OTUD7A: variants seen among roughly 807,000 people sequenced by gnomAD.
OTUD7A encodes the protein OTU deubiquitinase 7A.
OTUD7A carries 12 observed loss-of-function variants against 65.7 expected under a neutral mutation model. That is an observed-to-expected ratio of 0.18 (90% CI 0.12 to 0.30). The LOEUF (loss-of-function observed/expected upper bound fraction) is 0.30. OTUD7A is among the 10% of genes least tolerant of loss of function. OTUD7A has a pLI of 1.00. For synonymous variants in OTUD7A, 641 were observed against 586.3 expected (o/e 1.09, Z -1.35); for missense variants, 1,148 against 1,304.8 (o/e 0.88, Z 1.85).
intron 5 of OTUD7A, among the ~76,000 whole-genome samples, chr15:31,534,354 A>G (rs1244220621): frequency 6.6e-6 from 1 of 152,186 alleles, no homozygotes; most frequent in Non-Finnish European, 1.5e-5. Flanking sequence ...ACAAAATTCA[A>G]TACTCATAAT....
rs148545270 is a variant in OTUD7A, at chr15:31,791,916, G to C, written c.-100+78591C>G. Among the ~76,000 whole-genome samples the C allele has an allele frequency of 6.8e-3, 1,037 of 152,140 alleles. 7 individuals are homozygous for C. The highest frequency in any genetic ancestry group is 0.012 in the Admixed American group (179 of 15,276). ...CCTCCCCAAATGCACTCCCATGAAG[G>C]CTCTAAATAGCACCTGGATGATGTA... is the stretch of plus-strand genomic sequence containing the variant. On this transcript the variant is annotated intron_variant, in intron 1 of 12. Coordinates refer to ENST00000307050, the MANE Select transcript of OTUD7A (RefSeq NM_001382637.1).
chr15:31,564,387 G>GTTTTT lies in OTUD7A; in HGVS notation c.332-5205_332-5201dup, dbSNP rs398026753. On this transcript the variant is annotated intron_variant, in intron 4 of 12. Transcript: ENST00000307050. The stretch of plus-strand genomic sequence containing the variant: ...TTTTTGGAAGTAGTCTTTGAGGAAG[G>GTTTTT]TTTTTTTTTTTTTAGCAAAAGAGAA... 4.8e-4 allele frequency among the ~76,000 whole-genome samples: 58 copies of GTTTTT among 119,924 alleles called. 3 individuals are homozygous for GTTTTT. The highest frequency in any genetic ancestry group is 1.9e-4 in the Non-Finnish European group (10 of 53,696). The allele number at this position is 119,924 out of a possible 152,430, so 78.7% of individuals were successfully genotyped here. A position where few individuals can be genotyped will look rare whatever the true frequency, so the allele number is the denominator to read the frequency against.
intron 3 of OTUD7A, among the ~76,000 whole-genome samples, chr15:31,583,665 T>C (rs1889442042): frequency 1.3e-5 from 2 of 151,900 alleles, no homozygotes; most frequent in East Asian, 1.9e-4. Flanking sequence ...CCTTCCACCA[T>C]GATTGTGAGG....
At chr15:31,665,715 T>A (rs1892299842) in intron 1 of OTUD7A, among the ~76,000 whole-genome samples, 1 of 152,116 alleles carries the variant, frequency 6.6e-6, no homozygotes, top group African/African-American at 2.4e-5. Flanking sequence ...GTGGTGAGAG[T>A]GGGCATCCTT....
chr15:31,603,833 A>G (rs1291395620), intron 3 of OTUD7A, among the ~76,000 whole-genome samples: 1 of 152,246 alleles, frequency 6.6e-6, no homozygotes, highest in Admixed American at 6.5e-5. Flanking sequence ...GCCAACAGAC[A>G]TATGAAAAAA....
intron 3 of OTUD7A, among the ~76,000 whole-genome samples, chr15:31,651,897 A>C (rs1891849576): frequency 6.6e-6 from 1 of 152,050 alleles, no homozygotes; most frequent in Admixed American, 6.6e-5. Context: ...GAAAGACATA[A>C]CATAGGATTG....
At chr15:31,784,417 C>G (rs933518982) in intron 1 of OTUD7A, among the ~76,000 whole-genome samples, 1 of 150,712 alleles carries the variant, frequency 6.6e-6, no homozygotes, top group Non-Finnish European at 1.5e-5. Context: ...TTCTATTAAG[C>G]CAGTCGAAAT....
intron 12 of OTUD7A, among the ~76,000 whole-genome samples, chr15:31,485,379 TCA>T (rs965232253): frequency 6.6e-5 from 10 of 152,202 alleles, no homozygotes; most frequent in Non-Finnish European, 1.2e-4. Flanking sequence ...CCTTTCTCAC[TCA>T]GTTTGGCAAG....
intron 12 of OTUD7A, among the ~76,000 whole-genome samples, chr15:31,485,302 A>G (rs1424903769): frequency 6.6e-6 from 1 of 152,122 alleles, no homozygotes; most frequent in Non-Finnish European, 1.5e-5. Flanking sequence ...CTTGCACTCA[A>G]CCTCATTCAT....
At chr15:31,728,303 A>G (rs1356029231) in intron 1 of OTUD7A, among the ~76,000 whole-genome samples, 1 of 152,080 alleles carries the variant, frequency 6.6e-6, no homozygotes, top group African/African-American at 2.4e-5. Flanking sequence ...AGGCTACTGG[A>G]TTCTCCCCAT....
At chr15:31,804,823 A>G (rs1048087171) in intron 1 of OTUD7A, among the ~76,000 whole-genome samples, 2 of 152,232 alleles carry the variant, frequency 1.3e-5, no homozygotes, top group Admixed American at 1.3e-4. Flanking sequence ...CACAAAGCTA[A>G]ATCCTGTGTT....
intron 10 of OTUD7A, among the ~76,000 whole-genome samples, chr15:31,490,457 T>C (rs553162989): frequency 1.2e-3 from 184 of 152,332 alleles, no homozygotes; most frequent in Middle Eastern, 3.4e-3. Flanking sequence ...TGTTCCACCA[T>C]GAAAACATTC....
chr15:31,800,417 C>G (rs1305731898), intron 1 of OTUD7A, among the ~76,000 whole-genome samples: 1 of 152,192 alleles, frequency 6.6e-6, no homozygotes, highest in African/African-American at 2.4e-5. Flanking sequence ...CACCCCCATG[C>G]ACTCTGCCAG....
chr15:31,501,729 G>A lies in OTUD7A; in HGVS notation c.1132C>T (p.Leu378Phe). ...LAYDQAHFSA[L>F]VSMEQRDQQR... is the part of the protein sequence containing the mutation. ...TGGTCTCTCTGTTCCATGGACACAA[G>A]GGCAGAGAAATGGGCTTGATCATAG... is the stretch of plus-strand genomic sequence containing the variant. Residue 378 changes from leucine to phenylalanine, a missense_variant, in exon 10 of 13, where the codon CTT (leucine) becomes TTT (phenylalanine). Leu to Phe is a conservative substitution (Grantham distance 22). Transcript: ENST00000307050. The A allele has an allele frequency of 6.2e-7, 1 of 1,614,158 alleles. No individual in the cohort carries two copies. Among genetic ancestry groups the A allele is most frequent in the Non-Finnish European group, 8.5e-7 (1 of 1,179,998 alleles).
At chr15:31,735,463 G>A (rs1894162406) in intron 1 of OTUD7A, among the ~76,000 whole-genome samples, 1 of 152,056 alleles carries the variant, frequency 6.6e-6, no homozygotes, top group Admixed American at 6.5e-5. Flanking sequence ...GGGAGGCAGA[G>A]GTTGCAGTGA....
chr15:31,867,159 A>T (rs1487742239), intron 1 of OTUD7A, among the ~76,000 whole-genome samples: 1 of 152,190 alleles, frequency 6.6e-6, no homozygotes, highest in East Asian at 1.9e-4. Flanking sequence ...TGCGAGGAAA[A>T]GTCTCCCAGG....
In OTUD7A at chr15:31,741,036, G is replaced by T. The variant is rs535254097; in HGVS notation, c.-99-83959C>A. Among the ~76,000 whole-genome samples, 44 of 152,274 alleles carry T rather than the reference G, an allele frequency of 2.9e-4. No individual in the cohort carries two copies. The South Asian group carries it at 8.9e-3, about 31-fold the overall frequency. On this transcript the variant is annotated intron_variant, in intron 1 of 12. Transcript: ENST00000307050. ...GGGTCATATAGAATTATACTCTCAA[G>T]AGCTGCAGAATACAAAATGCTCTTA...
At chr15:31,504,115 A>G (rs2141084939) in intron 8 of OTUD7A, among the ~76,000 whole-genome samples, 1 of 152,326 alleles carries the variant, frequency 6.6e-6, no homozygotes, top group African/African-American at 2.4e-5. Flanking sequence ...GAGGCAGCCC[A>G]CCAGAGCCTG....
chr15:31,658,121 C>T (rs776029218), intron 1 of OTUD7A, among the ~76,000 whole-genome samples: 2 of 152,090 alleles, frequency 1.3e-5, no homozygotes, highest in African/African-American at 2.4e-5. Context: ...CATGTTATAT[C>T]GCCTCTCTGT....
Sources: allele counts gnomAD v4.1 joint callset (sites outside exome capture counted in the v4.1 genomes callset), GRCh38; gene constraint gnomAD v4.1.1; transcripts MANE v1.5; gene names NCBI Gene and HGNC (gene_info 2026-07-23, HGNC 2026-07-21).